Variants in NCKAP1 observed in about 807,000 individuals in gnomAD.
The protein encoded by NCKAP1 is nck-associated protein 1.
NCKAP1 carries 21 observed loss-of-function variants against 151.2 expected under a neutral mutation model. That is an observed-to-expected ratio of 0.14 (90% CI 0.10 to 0.20). The LOEUF (loss-of-function observed/expected upper bound fraction) is 0.20, where lower values mean the gene tolerates loss of function less well. Among genes scored for constraint, NCKAP1 ranks in the 10% least tolerant of loss-of-function variants. NCKAP1 has a pLI of 1.00. For synonymous variants in NCKAP1, 484 were observed against 451.8 expected (o/e 1.07, Z -0.90); for missense variants, 933 against 1,352.1 (o/e 0.69, Z 4.86).
intron 15 of NCKAP1, among the ~76,000 whole-genome samples, chr2:182,974,987 T>C (rs1351596557): frequency 1.3e-5 from 2 of 152,196 alleles, no homozygotes; most frequent in Admixed American, 6.5e-5. Flanking sequence ...ATAACTCAAA[T>C]GTAAGGGTGC....
chr2:183,009,903 G>T (rs561618067), intron 2 of NCKAP1, among the ~76,000 whole-genome samples: 1 of 152,126 alleles, frequency 6.6e-6, no homozygotes, highest in African/African-American at 2.4e-5. Context: ...TAAAAGTAGC[G>T]TAGGGACAAG....
chr2:183,013,693 A>G (rs1006065580), intron 2 of NCKAP1, among the ~76,000 whole-genome samples: 2 of 152,010 alleles, frequency 1.3e-5, no homozygotes, highest in Non-Finnish European at 1.5e-5. Flanking sequence ...CTCCCCTCCT[A>G]TGGCATCTCA....
Position 182,928,835 on chromosome 2 carries a change from A to G in NCKAP1, c.3018T>C (p.Ser1006=). The G allele has an allele frequency of 6.2e-7, 1 of 1,612,674 alleles. No homozygotes were observed. Among genetic ancestry groups the G allele is most frequent in the African/African-American group, 1.3e-5 (1 of 74,974 alleles). Residue 1006 remains serine, a synonymous_variant, in exon 28 of 31, where the codon TCT becomes TCC. Transcript: ENST00000361354. ...ACLLMVFVAV[S]LPTLASNVMS... is the part of the protein sequence containing the mutation. The stretch of plus-strand genomic sequence containing the variant: ...TCACATTACTGGCCAGTGTTGGCAA[A>G]GAAACTGCCACAAACACCATGAGAA...
At chr2:182,988,436 C>T (rs2105861107) in intron 9 of NCKAP1, among the ~76,000 whole-genome samples, 1 of 152,044 alleles carries the variant, frequency 6.6e-6, no homozygotes, top group Non-Finnish European at 1.5e-5. Flanking sequence ...TTCAATTTGG[C>T]TTTTATATAT....
chr2:182,974,257 A>AC (rs1697758632), intron 15 of NCKAP1, among the ~76,000 whole-genome samples: 1 of 139,244 alleles, frequency 7.2e-6, no homozygotes, highest in East Asian at 2.0e-4. Flanking sequence ...TCCTGTTGTC[A>AC]CTAAAAAAAA....
intron 8 of NCKAP1, 50 bp downstream of exon 8, chr2:182,994,789 T>TA: frequency 6.8e-7 from 1 of 1,478,380 alleles, no homozygotes; most frequent in Non-Finnish European, 9.4e-7. Flanking sequence ...TATTTTTCTC[T>TA]AAAACATAAA....
intron 23 of NCKAP1, among the ~76,000 whole-genome samples, chr2:182,948,062 C>T (rs1217974021): frequency 6.6e-6 from 1 of 152,018 alleles, no homozygotes; most frequent in Non-Finnish European, 1.5e-5. Flanking sequence ...AAAATGGAAT[C>T]CTTACAATTA....
At chr2:183,028,843 G>T (rs1292454227) in intron 1 of NCKAP1, among the ~76,000 whole-genome samples, 1 of 152,148 alleles carries the variant, frequency 6.6e-6, no homozygotes, top group Non-Finnish European at 1.5e-5. Flanking sequence ...GCTGGGCTCA[G>T]TGGCTCACGC....
At chr2:182,985,125 A>G (rs1212772149) in intron 10 of NCKAP1, among the ~76,000 whole-genome samples, 1 of 152,216 alleles carries the variant, frequency 6.6e-6, no homozygotes, top group East Asian at 1.9e-4. Context: ...TAAATAAAAT[A>G]TGCATGAGGA....
chr2:182,960,242 A>G (rs1025194966), intron 18 of NCKAP1, among the ~76,000 whole-genome samples: 1 of 152,232 alleles, frequency 6.6e-6, no homozygotes, highest in Non-Finnish European at 1.5e-5. Context: ...TTTAAAGTTC[A>G]TATGGAACCA....
intron 30 of NCKAP1, among the ~76,000 whole-genome samples, chr2:182,926,478 G>C (rs1194525849): frequency 6.6e-6 from 1 of 152,012 alleles, no homozygotes; most frequent in African/African-American, 2.4e-5. Context: ...GAAATGGGCA[G>C]AATAGAGTTA....
intron 9 of NCKAP1, among the ~76,000 whole-genome samples, chr2:182,988,020 T>TTA (rs1698091518): frequency 6.6e-6 from 1 of 152,170 alleles, no homozygotes; most frequent in African/African-American, 2.4e-5. Flanking sequence ...AGTCACTGAG[T>TTA]TATACAGCTA....
At position 182,953,000 on chromosome 2, in the gene NCKAP1, A is replaced by G. The variant is rs1697245600; in HGVS notation, c.2373-77T>C. The G allele has an allele frequency of 3.3e-6, 5 of 1,498,940 alleles. No individual in the cohort carries two copies. In the East Asian group the frequency reaches 6.9e-5, roughly 21 times the overall value. 92.9% of individuals were successfully genotyped at this position (1,498,940 alleles called of 1,614,324 possible). On this transcript the variant is annotated intron_variant, in intron 21 of 30. Transcript: ENST00000361354. ...TATCATGATATACATTCCTGCATAT[A>G]ATTTTAAGTTGACTGATAATATGAA...
chr2:182,980,205 T>C (rs1053443175), intron 13 of NCKAP1, among the ~76,000 whole-genome samples: 2 of 152,020 alleles, frequency 1.3e-5, no homozygotes, highest in Non-Finnish European at 1.5e-5. Flanking sequence ...CCTTTTTAAA[T>C]GACCATAGAA....
rs141332870 is a variant in NCKAP1, at chr2:182,956,339, C to T, written c.2153+123G>A. The T allele has an allele frequency of 2.2e-3, 2,802 of 1,280,686 alleles. 11 individuals are homozygous for T. The highest frequency in any genetic ancestry group is 0.012 in the Middle Eastern group (45 of 3,716). 79.3% of individuals were successfully genotyped at this position (1,280,686 alleles called of 1,614,324 possible). On this transcript the variant is annotated intron_variant, in intron 20 of 30. Coordinates refer to ENST00000361354, the MANE Select transcript of NCKAP1 (RefSeq NM_013436.5). ...ATAGGCGTGAGCCACCACGCCCGGC[C>T]CGGTTCATTATTCTTAACACTAATC...
intron 13 of NCKAP1, 82 bp downstream of exon 13, chr2:182,981,162 A>G (rs141688748): frequency 1.3e-6 from 2 of 1,483,256 alleles, no homozygotes; most frequent in East Asian, 4.6e-5. Flanking sequence ...TATTTCATAA[A>G]TGCTTGTTGA....
chr2:182,982,984 A>G (rs1023329712), intron 11 of NCKAP1, 57 bp from the exon 12 acceptor site: 1 of 1,270,736 alleles, frequency 7.9e-7, no homozygotes, highest in Middle Eastern at 2.5e-4. Context: ...CAAAACTGGT[A>G]ATCTCTTTCT....
chr2:183,009,372 G>A lies in NCKAP1; in HGVS notation c.220-6047C>T, dbSNP rs536891468. 2.7e-3 allele frequency among the ~76,000 whole-genome samples: 378 copies of A among 142,368 alleles called. 3 individuals carry two copies. Among genetic ancestry groups the A allele is most frequent in the Non-Finnish European group, 4.6e-3 (301 of 65,022 alleles). 93.4% of individuals were successfully genotyped at this position (142,368 alleles called of 152,430 possible). A position where few individuals can be genotyped will look rare whatever the true frequency, so the allele number is the denominator to read the frequency against. On this transcript the variant is annotated intron_variant, in intron 2 of 30. Transcript: ENST00000361354. ...CCTGGGCAACAAGGGGAGGGGAAGGGAGGGGAGGAGGAAAGAGGGAGGGGG... is the reference window on the plus strand; with the variant it reads ...CCTGGGCAACAAGGGGAGGGGAAGGAAGGGGAGGAGGAAAGAGGGAGGGGG...
intron 1 of NCKAP1, among the ~76,000 whole-genome samples, chr2:183,033,802 T>C (rs987378201): frequency 3.3e-5 from 5 of 152,186 alleles, no homozygotes; most frequent in Admixed American, 1.3e-4. Flanking sequence ...TATACAACCC[T>C]ACTTACAAAC....
Sources: allele counts gnomAD v4.1 joint callset (sites outside exome capture counted in the v4.1 genomes callset), GRCh38; gene constraint gnomAD v4.1.1; transcripts MANE v1.5; gene names NCBI Gene and HGNC (gene_info 2026-07-23, HGNC 2026-07-21).